The following MOSMO variants were observed in gnomAD, a reference collection of about 807,000 sequenced individuals.
The protein encoded by MOSMO is modulator of smoothened protein.
A neutral mutation model predicts 18.4 loss-of-function variants in MOSMO; 5 were observed. That is an observed-to-expected ratio of 0.27 (90% confidence interval 0.14 to 0.57). The LOEUF is 0.57. MOSMO is among the 20% of genes least tolerant of loss of function. The pLI is 0.92. For missense variants in MOSMO, 138 were observed against 211.8 expected, an observed-to-expected ratio of 0.65 and a Z score of 2.16; for synonymous variants, 82 against 82.3, an observed-to-expected ratio of 1.00 and a Z score of 0.02.
intron 1 of MOSMO, among the ~76,000 whole-genome samples, chr16:22,059,242 A>T (rs1900596889): frequency 6.6e-6 from 1 of 152,228 alleles, no homozygotes; most frequent in Admixed American, 6.5e-5. Flanking sequence ...AACCATTCTT[A>T]CTATATTCTT....
At chr16:22,045,485 G>A (rs1208997618) in intron 1 of MOSMO, among the ~76,000 whole-genome samples, 1 of 152,036 alleles carries the variant, frequency 6.6e-6, no homozygotes, top group Non-Finnish European at 1.5e-5. Context: ...AAATGATTAG[G>A]TATTAGATCC....
intron 1 of MOSMO, among the ~76,000 whole-genome samples, chr16:22,015,881 T>A (rs905308728): frequency 1.3e-5 from 2 of 152,112 alleles, no homozygotes; most frequent in Non-Finnish European, 2.9e-5. Context: ...CAGGCATGAG[T>A]AAATGGAAAT....
At chr16:22,025,867 C>T (rs1899865014) in intron 1 of MOSMO, among the ~76,000 whole-genome samples, 1 of 152,150 alleles carries the variant, frequency 6.6e-6, no homozygotes. Context: ...TCTGATGAGT[C>T]CTGTTTTAAC....
chr16:22,035,961 T>C (rs1280999158), intron 1 of MOSMO, among the ~76,000 whole-genome samples: 12 of 152,164 alleles, frequency 7.9e-5, no homozygotes, highest in Non-Finnish European at 1.5e-4. Context: ...TACAATTAAT[T>C]TTTATATATT....
At chr16:22,079,494 G>C (rs1298164707) in intron 2 of MOSMO, among the ~76,000 whole-genome samples, 2 of 152,190 alleles carry the variant, frequency 1.3e-5, no homozygotes, top group Admixed American at 1.3e-4. Flanking sequence ...AAGGGAGCAG[G>C]CCATTTGCTG....
rs994355699 is a variant in MOSMO, at chr16:22,081,434, G to C, written c.*554G>C. 4.9e-5 allele frequency: 7 copies of C among 142,314 alleles called. No homozygotes were observed. The highest frequency in any genetic ancestry group is 1.8e-4 in the African/African-American group (7 of 37,882). The allele number at this position is 142,314 out of a possible 1,614,324, so 8.8% of individuals were successfully genotyped here. A position where few individuals can be genotyped will look rare whatever the true frequency, so the allele number is the denominator to read the frequency against. On this transcript the variant is annotated 3_prime_UTR_variant, in exon 3 of 3. Coordinates refer to ENST00000542527, the MANE Select transcript of MOSMO (RefSeq NM_001164579.2). ...GCATTACTGCACCAAGAAGCCAATA[G>C]ATCAAAACTTGTTTGCTAAAATGTA...
At chr16:22,043,021 C>T (rs1027015802) in intron 1 of MOSMO, among the ~76,000 whole-genome samples, 2 of 151,876 alleles carry the variant, frequency 1.3e-5, no homozygotes, top group Non-Finnish European at 2.9e-5. Context: ...GGGATACTGT[C>T]CAGCCACTTT....
At chr16:22,058,711 A>G (rs976514333) in intron 1 of MOSMO, among the ~76,000 whole-genome samples, 1 of 152,194 alleles carries the variant, frequency 6.6e-6, no homozygotes, top group Admixed American at 6.5e-5. Context: ...GGGAGGTTTA[A>G]ATGGAGGATA....
At chr16:22,021,020 G>A (rs747181334) in intron 1 of MOSMO, among the ~76,000 whole-genome samples, 4 of 152,050 alleles carry the variant, frequency 2.6e-5, no homozygotes, top group African/African-American at 7.2e-5. Context: ...ATACGTATGA[G>A]TGAATGCAAG....
intron 1 of MOSMO, among the ~76,000 whole-genome samples, chr16:22,014,778 A>G (rs1899604582): frequency 6.6e-6 from 1 of 152,228 alleles, no homozygotes. Flanking sequence ...ACTTTATTTT[A>G]TTAATCACTT....
intron 1 of MOSMO, among the ~76,000 whole-genome samples, chr16:22,031,120 A>T (rs1281888287): frequency 2.6e-5 from 4 of 152,204 alleles, no homozygotes; most frequent in African/African-American, 9.7e-5. Flanking sequence ...GAGGAATGAC[A>T]TCTAAGCCAA....
intron 1 of MOSMO, among the ~76,000 whole-genome samples, chr16:22,074,350 G>A (rs911368239): frequency 6.6e-6 from 1 of 152,108 alleles, no homozygotes; most frequent in Non-Finnish European, 1.5e-5. Flanking sequence ...CGGGAGGATC[G>A]CTTGAGACCA....
intron 1 of MOSMO, among the ~76,000 whole-genome samples, chr16:22,056,554 A>ATAT (rs1555521950): frequency 2.0e-5 from 3 of 147,504 alleles, no homozygotes; most frequent in African/African-American, 2.5e-5. Context: ...ATATATATAT[A>ATAT]TTTTTTTTTG....
chr16:22,038,561 T>C (rs1279368794), intron 1 of MOSMO, among the ~76,000 whole-genome samples: 1 of 152,144 alleles, frequency 6.6e-6, no homozygotes, highest in East Asian at 1.9e-4. Context: ...AGGTTACAGA[T>C]AATGGTGGTA....
At position 22,081,081 on chromosome 16, in the gene MOSMO, AG is replaced by A; in HGVS notation, c.*203del. On this transcript the variant is annotated 3_prime_UTR_variant, in exon 3 of 3. Transcript: ENST00000542527. ...TTTGGATTTAAAAAAAAAAAAAAAA[AG>A]GAGAGCCTTTTCCATAACCAAATAC... 1 of 266,038 alleles carries A rather than the reference AG, an allele frequency of 3.8e-6. No homozygotes were observed. The highest frequency in any genetic ancestry group is 5.2e-5 in the Admixed American group (1 of 19,158). The allele number at this position is 266,038 out of a possible 1,614,324, so 16.5% of individuals were successfully genotyped here. A position where few individuals can be genotyped will look rare whatever the true frequency, so the allele number is the denominator to read the frequency against.
chr16:22,028,477 G>A (rs1052914360), intron 1 of MOSMO, among the ~76,000 whole-genome samples: 7 of 150,468 alleles, frequency 4.7e-5, no homozygotes, highest in Non-Finnish European at 7.4e-5. Context: ...TTTTACCACC[G>A]TCACCCCGAT....
chr16:22,055,612 A>T (rs1364025718), intron 1 of MOSMO, among the ~76,000 whole-genome samples: 2 of 152,206 alleles, frequency 1.3e-5, no homozygotes, highest in Non-Finnish European at 2.9e-5. Context: ...AGTACTCAGA[A>T]TCACTCCTTC....
At chr16:22,034,744 GTTTTTT>G (rs890874059) in intron 1 of MOSMO, among the ~76,000 whole-genome samples, 3 of 55,456 alleles carry the variant, frequency 5.4e-5, no homozygotes, top group African/African-American at 1.7e-4. Flanking sequence ...GTTTTTTTGG[GTTTTTT>G]TTTTTTTTTT....
intron 1 of MOSMO, among the ~76,000 whole-genome samples, chr16:22,057,899 G>C (rs1900567637): frequency 6.6e-6 from 1 of 152,122 alleles, no homozygotes; most frequent in African/African-American, 2.4e-5. Flanking sequence ...ATGTGCAAAA[G>C]GCCCTGAAGT....
Sources: gnomAD v4.1 joint callset for allele counts (sites outside exome capture counted in the v4.1 genomes callset) on GRCh38, gnomAD v4.1.1 for gene constraint, MANE v1.5 for transcripts, NCBI Gene and HGNC (gene_info 2026-07-23, HGNC 2026-07-21) for gene names.